TMEM232: variants seen among roughly 807,000 people sequenced by gnomAD.
TMEM232 encodes the protein transmembrane protein 232.
A neutral mutation model predicts 78.8 loss-of-function variants in TMEM232; 80 were observed. That is an observed-to-expected ratio of 1.01 (90% CI 0.85 to 1.22). The LOEUF (loss-of-function observed/expected upper bound fraction) is 1.22, where lower values mean the gene tolerates loss of function less well. Among genes scored for constraint, TMEM232 ranks in the 50% most tolerant of loss-of-function variants. The probability of loss-of-function intolerance (pLI) is 0.00; values close to 1 mark genes in which losing one functional copy is unlikely to be tolerated. For synonymous variants in TMEM232, 297 were observed against 254.3 expected (o/e 1.17, Z -1.60); for missense variants, 881 against 742.2 (o/e 1.19, Z -2.17).
intron 11 of TMEM232, among the ~76,000 whole-genome samples, chr5:110,549,605 C>CAAAAAA (rs1209595068): frequency 1.1e-4 from 5 of 45,406 alleles, no homozygotes; most frequent in East Asian, 6.2e-4. Flanking sequence ...GTCCCTGTCT[C>CAAAAAA]AAAAAAAAAA....
At chr5:110,502,520 G>A (rs1561579466) in intron 12 of TMEM232, among the ~76,000 whole-genome samples, 1 of 152,188 alleles carries the variant, frequency 6.6e-6, no homozygotes, top group African/African-American at 2.4e-5. Context: ...TTTAGACCAT[G>A]ATCCTTTCTC....
At chr5:110,576,816 A>G (rs1392616447) in intron 10 of TMEM232, among the ~76,000 whole-genome samples, 4 of 152,134 alleles carry the variant, frequency 2.6e-5, no homozygotes, top group Non-Finnish European at 5.9e-5. Context: ...TGGTGCTGAG[A>G]TAACTGGCTA....
intron 1 of TMEM232, among the ~76,000 whole-genome samples, chr5:110,700,774 A>ACAGATAGATAGG: frequency 8.1e-6 from 1 of 124,090 alleles, no homozygotes; most frequent in Non-Finnish European, 1.7e-5. Context: ...AGGTAGGTAG[A>ACAGATAGATAGG]TAGATAGATA....
rs76518793 is a variant in TMEM232, at chr5:110,649,739, A to G, written c.126-7368T>C. Among the ~76,000 whole-genome samples the G allele has an allele frequency of 2.0e-3, 309 of 152,254 alleles. 3 individuals are homozygous for G. The East Asian group carries it at 0.03, about 15-fold the overall frequency. The stretch of plus-strand genomic sequence containing the variant: ...TATGAAGGGCCTTACATTCATTTTT[A>G]TAATGCCTATTCTGTGGCATGCATT... On this transcript the variant is annotated intron_variant, in intron 2 of 13. Transcript: ENST00000455884.
chr5:110,538,656 C>T (rs2149570247), intron 11 of TMEM232, among the ~76,000 whole-genome samples: 1 of 152,258 alleles, frequency 6.6e-6, no homozygotes, highest in East Asian at 1.9e-4. Flanking sequence ...CCAAGGGGTT[C>T]AGTCAGGCAA....
At chr5:110,634,231 C>T (rs1785508471) in intron 5 of TMEM232, among the ~76,000 whole-genome samples, 1 of 151,952 alleles carries the variant, frequency 6.6e-6, no homozygotes, top group Non-Finnish European at 1.5e-5. Context: ...AATATAGACT[C>T]CAATACATTA....
At chr5:110,529,488 C>G (rs901560491) in intron 11 of TMEM232, among the ~76,000 whole-genome samples, 1 of 152,096 alleles carries the variant, frequency 6.6e-6, no homozygotes, top group African/African-American at 2.4e-5. Context: ...CTCAGGTGAT[C>G]CACCTGCCTC....
chr5:110,561,860 T>C (rs1052772191), intron 11 of TMEM232, among the ~76,000 whole-genome samples: 2 of 152,078 alleles, frequency 1.3e-5, no homozygotes, highest in African/African-American at 4.8e-5. Flanking sequence ...CTTATTGACA[T>C]GGCAGTTACT....
At chr5:110,577,858 T>C (rs1303742998) in intron 10 of TMEM232, among the ~76,000 whole-genome samples, 3 of 151,650 alleles carry the variant, frequency 2.0e-5, no homozygotes, top group African/African-American at 7.3e-5. Context: ...CAACATACAC[T>C]GGGGCCTTTT....
upstream of TMEM232, among the ~76,000 whole-genome samples, chr5:110,730,016 AT>A (rs1305173581): frequency 6.6e-6 from 1 of 152,208 alleles, no homozygotes. Flanking sequence ...TATAGCACTT[AT>A]CAAAATTTTA....
intron 12 of TMEM232, among the ~76,000 whole-genome samples, chr5:110,476,430 C>A (rs1236954461): frequency 6.6e-6 from 1 of 151,798 alleles, no homozygotes; most frequent in Non-Finnish European, 1.5e-5. Flanking sequence ...ACCTGCCAAC[C>A]CCTTTATCTT....
intron 11 of TMEM232, among the ~76,000 whole-genome samples, chr5:110,532,187 G>T (rs1771602309): frequency 6.6e-6 from 1 of 152,020 alleles, no homozygotes; most frequent in Admixed American, 6.6e-5. Flanking sequence ...TATCCCATTT[G>T]TGCAGGATCC....
chr5:110,633,670 C>A (rs1785445197), intron 5 of TMEM232, among the ~76,000 whole-genome samples: 2 of 152,238 alleles, frequency 1.3e-5, no homozygotes, highest in Admixed American at 6.5e-5. Flanking sequence ...TCTTCTTCAC[C>A]TTTTGCCATG....
rs141378760 is a variant in TMEM232 at position 110,672,436 on chromosome 5, G to C, written c.-12-5072C>G. ...AAAAGTGTTTAACCAACACAAGTTT[G>C]TAAACCATTATTTGAGTAGAGTTGT... On this transcript the variant is annotated intron_variant, in intron 1 of 13. Coordinates refer to ENST00000455884, the MANE Select transcript of TMEM232 (RefSeq NM_001039763.4). 2.1e-3 allele frequency among the ~76,000 whole-genome samples: 313 copies of C among 152,234 alleles called. 3 individuals carry two copies. Among genetic ancestry groups the C allele is most frequent in the Middle Eastern group, 3.4e-3 (1 of 294 alleles).
intron 12 of TMEM232, among the ~76,000 whole-genome samples, chr5:110,457,564 T>A (rs1435547963): frequency 6.6e-6 from 1 of 152,224 alleles, no homozygotes; most frequent in African/African-American, 2.4e-5. Flanking sequence ...TTTATAGTGA[T>A]ATATATGGTC....
chr5:110,555,577 G>A (rs914130356), intron 11 of TMEM232, among the ~76,000 whole-genome samples: 4 of 152,100 alleles, frequency 2.6e-5, no homozygotes, highest in African/African-American at 4.8e-5. Context: ...CTGCCTTGAT[G>A]ATCTCTCTGT....
chr5:110,647,548 CAAAT>C (rs1159587795), intron 2 of TMEM232, among the ~76,000 whole-genome samples: 1 of 151,808 alleles, frequency 6.6e-6, no homozygotes, highest in Non-Finnish European at 1.5e-5. Flanking sequence ...ATGTGTTTCA[CAAAT>C]AAATCTCCTT....
intron 12 of TMEM232, among the ~76,000 whole-genome samples, chr5:110,517,963 C>A (rs991208892): frequency 2.0e-4 from 30 of 152,324 alleles, no homozygotes; most frequent in African/African-American, 7.2e-4. Context: ...TCTTTCCCTT[C>A]TCCCTAACCC....
chr5:110,599,609 G>A (rs1780640517), intron 10 of TMEM232, among the ~76,000 whole-genome samples: 1 of 151,984 alleles, frequency 6.6e-6, no homozygotes, highest in African/African-American at 2.4e-5. Flanking sequence ...CATGCAACAA[G>A]AAGAGCTATC....
Sources: allele counts gnomAD v4.1 joint callset (sites outside exome capture counted in the v4.1 genomes callset), GRCh38; gene constraint gnomAD v4.1.1; transcripts MANE v1.5; gene names NCBI Gene and HGNC (gene_info 2026-07-23, HGNC 2026-07-21).